The following ARHGAP28 variants were observed in gnomAD, a reference collection of about 807,000 sequenced individuals.
ARHGAP28 encodes the protein rho GTPase-activating protein 28.
In ARHGAP28, 56 loss-of-function variants were observed where a neutral mutation model predicts 90.7. That is an observed-to-expected ratio of 0.62 (90% CI 0.50 to 0.77). ARHGAP28 has a LOEUF of 0.77. Among genes scored for constraint, ARHGAP28 ranks in the 30% least tolerant of loss-of-function variants. The pLI is 0.00. For synonymous variants in ARHGAP28, 308 were observed against 323.3 expected, an observed-to-expected ratio of 0.95 and a Z score of 0.51; for missense variants, 869 against 900.9, an observed-to-expected ratio of 0.96 and a Z score of 0.45.
rs1428865298 is a variant in ARHGAP28 at position 6,890,085 on chromosome 18, G to A, written c.1734G>A (p.Lys578=). ...TTAAGTACCAGAAGATTTTGTGGAA[G>A]GTGAGTGACATAGTGATGACAGGTC... ...LMLKYQKILW[K]VPSFLITQVR... The change falls in exon 13 of 18, where the codon AAG becomes AAA. Residue 578 remains lysine (K), a splice_region_variant and synonymous_variant. Coordinates refer to ENST00000383472, the MANE Select transcript of ARHGAP28 (RefSeq NM_001366230.1). 2 of 1,614,038 alleles carry A rather than the reference G, an allele frequency of 1.2e-6. No individual in the cohort carries two copies. The highest frequency in any genetic ancestry group is 1.3e-5 in the African/African-American group (1 of 74,932).
rs2055877505 is a variant in ARHGAP28, at chr18:6,731,097, T to C, written c.122+1154T>C. Among the ~76,000 whole-genome samples the C allele has an allele frequency of 2.0e-5, 3 of 152,038 alleles. No individual in the cohort carries two copies. The South Asian group carries it at 6.2e-4, about 32-fold the overall frequency. Reference sequence around the variant, plus strand: ...TTTCTTTCAAAAACAGCAGGTTGAGTGAAATCTCATTTTTATATAAAGACA... The same window carrying C: ...TTTCTTTCAAAAACAGCAGGTTGAGCGAAATCTCATTTTTATATAAAGACA... On this transcript the variant is annotated intron_variant, in intron 1 of 17. Coordinates refer to ENST00000383472, the MANE Select transcript of ARHGAP28 (RefSeq NM_001366230.1).
chr18:6,771,711 G>A (rs1567942019), intron 1 of ARHGAP28, among the ~76,000 whole-genome samples: 2 of 152,194 alleles, frequency 1.3e-5, no homozygotes, highest in African/African-American at 4.8e-5. Context: ...AATACCATAT[G>A]TTGTTTCTGA....
intron 1 of ARHGAP28, among the ~76,000 whole-genome samples, chr18:6,802,736 C>A (rs934088245): frequency 2.0e-5 from 3 of 152,122 alleles, no homozygotes; most frequent in Non-Finnish European, 4.4e-5. Flanking sequence ...AATACTAAAT[C>A]TTCCAATCTT....
At chr18:6,838,374 G>T (rs1357030476) in intron 3 of ARHGAP28, among the ~76,000 whole-genome samples, 1 of 152,188 alleles carries the variant, frequency 6.6e-6, no homozygotes. Flanking sequence ...GTTGAAGACA[G>T]TCTCCAATTT....
chr18:6,869,228 G>A (rs1401071617), intron 6 of ARHGAP28, among the ~76,000 whole-genome samples: 6 of 149,982 alleles, frequency 4.0e-5, no homozygotes, highest in Non-Finnish European at 1.5e-5. Context: ...TAACAAGGGA[G>A]CATCATAGCT....
chr18:6,843,651 AGCCTGT>A (rs1424776083), intron 3 of ARHGAP28, among the ~76,000 whole-genome samples: 1 of 152,232 alleles, frequency 6.6e-6, no homozygotes, highest in Non-Finnish European at 1.5e-5. Flanking sequence ...AGGAGAAGGT[AGCCTGT>A]GCATTTTGCT....
chr18:6,841,187 CT>C (rs1351026260), intron 3 of ARHGAP28, among the ~76,000 whole-genome samples: 34 of 57,896 alleles, frequency 5.9e-4, no homozygotes, highest in East Asian at 1.9e-3. Flanking sequence ...TCTCCTCTCT[CT>C]CTCTCTCTCT....
At chr18:6,839,292 ATTTTT>A (rs368008575) in intron 3 of ARHGAP28, among the ~76,000 whole-genome samples, 1 of 133,962 alleles carries the variant, frequency 7.5e-6, no homozygotes, top group African/African-American at 2.8e-5. Context: ...AACCAGCATA[ATTTTT>A]TTTTTTTTTT....
At chr18:6,783,611 C>T (rs1295047871) in intron 1 of ARHGAP28, among the ~76,000 whole-genome samples, 1 of 151,994 alleles carries the variant, frequency 6.6e-6, no homozygotes, top group East Asian at 1.9e-4. Context: ...TGGGTATTTA[C>T]TTTTAACCAC....
In ARHGAP28 at chr18:6,873,485, G is replaced by A. The variant is rs764582880; in HGVS notation, c.1031G>A (p.Arg344His). ...DLSAEDMKKI[R>H]HLSLIELTAF... ...TCTGCTGAAGACATGAAGAAAATCC[G>A]CCATCTCTCTCTGATTGAATTGACT... The change falls in exon 8 of 18, where the codon CGC becomes CAC. Residue 344 changes from arginine (R) to histidine (H), a missense_variant. Physicochemically the swap from Arg to His is conservative, Grantham distance 29. Coordinates refer to ENST00000383472, the MANE Select transcript of ARHGAP28 (RefSeq NM_001366230.1). The A allele has an allele frequency of 2.4e-5, 39 of 1,614,078 alleles. No homozygotes were observed. The highest frequency in any genetic ancestry group is 8.3e-5 in the Admixed American group (5 of 60,012).
chr18:6,820,691 C>CT (rs1195386975), intron 1 of ARHGAP28, among the ~76,000 whole-genome samples: 1 of 152,168 alleles, frequency 6.6e-6, no homozygotes, highest in Non-Finnish European at 1.5e-5. Context: ...GTAACTGACT[C>CT]TCATCAGAAT....
intron 2 of ARHGAP28, among the ~76,000 whole-genome samples, chr18:6,835,879 A>C (rs2056749502): frequency 1.3e-5 from 2 of 152,252 alleles, no homozygotes; most frequent in African/African-American, 4.8e-5. Flanking sequence ...AAATCCTCAT[A>C]GGCACCTAAT....
intron 1 of ARHGAP28, among the ~76,000 whole-genome samples, chr18:6,797,453 T>G (rs957646403): frequency 6.6e-6 from 1 of 152,232 alleles, no homozygotes; most frequent in Admixed American, 6.5e-5. Flanking sequence ...ACTTAAAACT[T>G]AAGGAGTCTG....
At chr18:6,839,662 A>G (rs190509130) in intron 3 of ARHGAP28, among the ~76,000 whole-genome samples, 1 of 152,254 alleles carries the variant, frequency 6.6e-6, no homozygotes, top group Admixed American at 6.5e-5. Context: ...CTTGCATTTT[A>G]TTTGGTGTTT....
chr18:6,850,785 T>G, intron 3 of ARHGAP28: 1 of 1,512,178 alleles, frequency 6.6e-7, no homozygotes, highest in Non-Finnish European at 8.8e-7. Context: ...AGAAAGTGGG[T>G]TTTGGCAGGA....
intron 1 of ARHGAP28, among the ~76,000 whole-genome samples, chr18:6,746,575 A>G (rs1435182622): frequency 6.6e-6 from 1 of 152,242 alleles, no homozygotes; most frequent in African/African-American, 2.4e-5. Context: ...TCCAGAATAC[A>G]GAAAGCTGAA....
At chr18:6,859,318 T>C (rs2056979097) in intron 4 of ARHGAP28, among the ~76,000 whole-genome samples, 4 of 152,292 alleles carry the variant, frequency 2.6e-5, no homozygotes, top group Middle Eastern at 3.4e-3. Flanking sequence ...TGCTCTTCTG[T>C]CCCTGACTTC....
At chr18:6,741,517 A>T (rs2055976986) in intron 1 of ARHGAP28, among the ~76,000 whole-genome samples, 1 of 152,192 alleles carries the variant, frequency 6.6e-6, no homozygotes, top group South Asian at 2.1e-4. Context: ...CTAAAATAAC[A>T]TGAGTCATTG....
chr18:6,901,278 A>G (rs1319344190), intron 16 of ARHGAP28, among the ~76,000 whole-genome samples: 1 of 152,218 alleles, frequency 6.6e-6, no homozygotes, highest in East Asian at 1.9e-4. Context: ...TGATGAGAGA[A>G]GCAAAAATTA....
Sources: allele counts gnomAD v4.1 joint callset (sites outside exome capture counted in the v4.1 genomes callset), GRCh38; gene constraint gnomAD v4.1.1; transcripts MANE v1.5; gene names NCBI Gene and HGNC (gene_info 2026-07-23, HGNC 2026-07-21).